The following FRMD4A variants were observed in gnomAD, a reference collection of about 807,000 sequenced individuals.
FRMD4A encodes the protein FERM domain containing 4A.
FRMD4A carries 29 observed loss-of-function variants against 129.1 expected under a neutral mutation model. That is an observed-to-expected ratio of 0.22 (90% CI 0.17 to 0.31). The LOEUF (loss-of-function observed/expected upper bound fraction) is 0.31, where lower values mean the gene tolerates loss of function less well. Among genes scored for constraint, FRMD4A ranks in the 10% least tolerant of loss-of-function variants. The pLI, the probability that FRMD4A is intolerant of heterozygous loss-of-function variation, is 1.00. For missense variants in FRMD4A, 1,272 were observed against 1,375.8 expected, an observed-to-expected ratio of 0.92 and a Z score of 1.19; for synonymous variants, 634 against 571.6, an observed-to-expected ratio of 1.11 and a Z score of -1.56.
chr10:14,107,570 C>T (rs1345090348), intron 2 of FRMD4A, among the ~76,000 whole-genome samples: 1 of 152,180 alleles, frequency 6.6e-6, no homozygotes, highest in East Asian at 1.9e-4. Flanking sequence ...ATCTCATTCA[C>T]TTTGCTGCAT....
intron 2 of FRMD4A, among the ~76,000 whole-genome samples, chr10:14,101,871 G>A (rs747325873): frequency 6.6e-6 from 1 of 152,010 alleles, no homozygotes; most frequent in Non-Finnish European, 1.5e-5. Flanking sequence ...TTCATTTTGG[G>A]ATATCCTCTC....
At chr10:13,837,141 C>A (rs2093889479) in intron 3 of FRMD4A, among the ~76,000 whole-genome samples, 1 of 152,172 alleles carries the variant, frequency 6.6e-6, no homozygotes, top group South Asian at 2.1e-4. Context: ...CCCAAACTTA[C>A]TTGACGCAGA....
chr10:14,130,105 G>A (rs543874356), intron 2 of FRMD4A, among the ~76,000 whole-genome samples: 23 of 152,246 alleles, frequency 1.5e-4, no homozygotes, highest in African/African-American at 5.1e-4. Flanking sequence ...TGAGTCCCTG[G>A]TGATGTTCAT....
intron 2 of FRMD4A, among the ~76,000 whole-genome samples, chr10:13,938,366 C>G (rs537348184): frequency 6.6e-6 from 1 of 152,010 alleles, no homozygotes; most frequent in Non-Finnish European, 1.5e-5. Flanking sequence ...CTCAGCCTCC[C>G]GAATACCTAG....
chr10:14,209,718 CA>C lies in FRMD4A; in HGVS notation c.45+120339del, dbSNP rs34707420. Among the ~76,000 whole-genome samples, 664 of 108,532 alleles carry C rather than the reference CA, an allele frequency of 6.1e-3. 2 individuals carry two copies. The highest frequency in any genetic ancestry group is 0.025 in the Middle Eastern group (5 of 200). The allele number at this position is 108,532 out of a possible 152,430, so 71.2% of individuals were successfully genotyped here. On this transcript the variant is annotated intron_variant, in intron 2 of 24. Transcript: ENST00000357447. ...CCTGGGCGACAGAGCGAGACTGTCTCAAAAAAAAAAAAAAAAAAATAGCTGG... is the reference window on the plus strand; with the variant it reads ...CCTGGGCGACAGAGCGAGACTGTCTCAAAAAAAAAAAAAAAAAATAGCTGG...
rs186637203 is a variant in FRMD4A, at chr10:14,241,612, C to T, written c.45+88446G>A. Among the ~76,000 whole-genome samples, 9 of 134,898 alleles carry T rather than the reference C, an allele frequency of 6.7e-5. No individual in the cohort carries two copies. In the East Asian group the frequency reaches 1.4e-3, roughly 21 times the overall value. 88.5% of individuals were successfully genotyped at this position (134,898 alleles called of 152,430 possible). A position where few individuals can be genotyped will look rare whatever the true frequency, so the allele number is the denominator to read the frequency against. On this transcript the variant is annotated intron_variant, in intron 2 of 24. Transcript: ENST00000357447. Reference sequence around the variant, plus strand: ...TCTTTAGCGTTTATACTTTATTAGCCAATACCGAATTCCACAGTGATTCTA... The same window carrying T: ...TCTTTAGCGTTTATACTTTATTAGCTAATACCGAATTCCACAGTGATTCTA...
intron 2 of FRMD4A, among the ~76,000 whole-genome samples, chr10:14,302,632 T>A (rs945034065): frequency 2.4e-4 from 36 of 152,224 alleles, no homozygotes; most frequent in African/African-American, 8.4e-4. Context: ...GTAATTTCAC[T>A]AAAGATAGAG....
At chr10:13,665,369 C>A (rs1484025457) in intron 18 of FRMD4A, among the ~76,000 whole-genome samples, 1 of 152,078 alleles carries the variant, frequency 6.6e-6, no homozygotes, top group African/African-American at 2.4e-5. Flanking sequence ...TACTTTCTGT[C>A]TTTCTAGAGC....
chr10:14,117,352 G>A (rs1838251215), intron 2 of FRMD4A, among the ~76,000 whole-genome samples: 2 of 152,180 alleles, frequency 1.3e-5, no homozygotes, highest in Admixed American at 1.3e-4. Flanking sequence ...CAAGGAGGAT[G>A]GATCTTTTTA....
chr10:14,274,188 C>T (rs565331707), intron 2 of FRMD4A, among the ~76,000 whole-genome samples: 29 of 152,290 alleles, frequency 1.9e-4, no homozygotes, highest in African/African-American at 6.5e-4. Context: ...CCAGGCAGGC[C>T]GCCACTGGCC....
chr10:13,900,186 T>G (rs1018461949), intron 2 of FRMD4A, among the ~76,000 whole-genome samples: 3 of 152,244 alleles, frequency 2.0e-5, no homozygotes, highest in Non-Finnish European at 4.4e-5. Flanking sequence ...CTGTCATGTG[T>G]GGCCTGCGAT....
chr10:13,759,882 G>A (rs769136734), intron 8 of FRMD4A, among the ~76,000 whole-genome samples: 67 of 151,892 alleles, frequency 4.4e-4, no homozygotes, highest in Non-Finnish European at 7.2e-4. Flanking sequence ...GGGGCCTGGA[G>A]GTCTCTTTAT....
At chr10:13,845,636 C>T (rs537677909) in intron 3 of FRMD4A, among the ~76,000 whole-genome samples, 3 of 152,136 alleles carry the variant, frequency 2.0e-5, no homozygotes, top group Non-Finnish European at 2.9e-5. Flanking sequence ...GGCCTCTGAT[C>T]CCAGCCTAAG....
rs559967995 is a variant in FRMD4A, at chr10:14,222,101, G to A, written c.45+107957C>T. 3.9e-5 allele frequency among the ~76,000 whole-genome samples: 6 copies of A among 152,256 alleles called. No individual in the cohort carries two copies. The South Asian group carries it at 8.3e-4, about 21-fold the overall frequency. On this transcript the variant is annotated intron_variant, in intron 2 of 24. Transcript: ENST00000357447. ...AATGTCTCAATTTTAGTTCATCAGC[G>A]AAGTATGAAATTATTTTAAAATGGC...
At chr10:13,950,489 G>A (rs1173987884) in intron 2 of FRMD4A, among the ~76,000 whole-genome samples, 1 of 152,190 alleles carries the variant, frequency 6.6e-6, no homozygotes, top group Non-Finnish European at 1.5e-5. Context: ...TAGGGTAGGA[G>A]ATAGAAGACA....
chr10:14,261,162 T>A (rs1844786891), intron 2 of FRMD4A, among the ~76,000 whole-genome samples: 1 of 152,228 alleles, frequency 6.6e-6, no homozygotes, highest in South Asian at 2.1e-4. Context: ...CTGGGGCAGT[T>A]CGCCTCATGG....
intron 2 of FRMD4A, among the ~76,000 whole-genome samples, chr10:14,214,655 T>C (rs1397649821): frequency 6.6e-6 from 1 of 152,232 alleles, no homozygotes; most frequent in Non-Finnish European, 1.5e-5. Flanking sequence ...CCTCAATTAA[T>C]GCTTAATGAG....
At chr10:14,268,689 G>A (rs748086518) in intron 2 of FRMD4A, among the ~76,000 whole-genome samples, 3 of 152,158 alleles carry the variant, frequency 2.0e-5, no homozygotes, top group African/African-American at 7.2e-5. Context: ...ATGTCCCTAT[G>A]GAAACACGAA....
intron 2 of FRMD4A, among the ~76,000 whole-genome samples, chr10:14,054,829 A>T (rs1217124799): frequency 2.0e-5 from 3 of 152,162 alleles, no homozygotes; most frequent in Non-Finnish European, 4.4e-5. Context: ...AGTAAGTCTC[A>T]TGAGATCTGA....
Sources: allele counts gnomAD v4.1 joint callset (sites outside exome capture counted in the v4.1 genomes callset), GRCh38; gene constraint gnomAD v4.1.1; transcripts MANE v1.5; gene names NCBI Gene and HGNC (gene_info 2026-07-23, HGNC 2026-07-21).